RALGAPA2: variants seen among roughly 807,000 people sequenced by gnomAD.
The protein encoded by RALGAPA2 is Ral GTPase activating protein catalytic subunit alpha 2, also known as ral GTPase-activating protein subunit alpha-2.
RALGAPA2 carries 139 observed loss-of-function variants against 230.4 expected under a neutral mutation model. That is an observed-to-expected ratio of 0.60 (90% confidence interval 0.53 to 0.69). The LOEUF (loss-of-function observed/expected upper bound fraction) is 0.69. Among genes scored for constraint, RALGAPA2 ranks in the 30% least tolerant of loss-of-function variants. RALGAPA2 has a pLI of 0.00. For synonymous variants in RALGAPA2, 847 were observed against 837.8 expected (o/e 1.01, Z -0.19); for missense variants, 2,163 against 2,276.0 (o/e 0.95, Z 1.01).
intron 32 of RALGAPA2, among the ~76,000 whole-genome samples, chr20:20,512,240 T>TACACAC (rs370439645): frequency 2.4e-4 from 33 of 138,436 alleles, no homozygotes; most frequent in Admixed American, 5.7e-4. Context: ...CACACACACA[T>TACACAC]ACACACACAC....
Position 20,502,831 on chromosome 20 carries a change from CT to C in RALGAPA2, c.5208+519del, listed in dbSNP as rs2062416999. Among the ~76,000 whole-genome samples, 4 of 152,304 alleles carry C rather than the reference CT, an allele frequency of 2.6e-5. 1 individual carries two copies. In the South Asian group the frequency reaches 8.3e-4, roughly 32 times the overall value. ...GCCTCTTCTTTTAAGGCGCTCCTCA[CT>C]TTTAACACAGGGTTGCCTGAGGCAA... On this transcript the variant is annotated intron_variant, in intron 35 of 39. Coordinates refer to ENST00000202677, the MANE Select transcript of RALGAPA2 (RefSeq NM_020343.4).
At chr20:20,613,214 C>T (rs1438592358) in intron 13 of RALGAPA2, among the ~76,000 whole-genome samples, 1 of 152,190 alleles carries the variant, frequency 6.6e-6, no homozygotes, top group African/African-American at 2.4e-5. Context: ...GAAGCACTGA[C>T]TCCACCAAGG....
At chr20:20,511,980 G>A (rs1569454344) in intron 32 of RALGAPA2, among the ~76,000 whole-genome samples, 2 of 152,128 alleles carry the variant, frequency 1.3e-5, no homozygotes, top group Admixed American at 6.6e-5. Flanking sequence ...CATGAGGTCA[G>A]TAGTTTGAGA....
At chr20:20,637,739 A>G (rs555026037) in intron 7 of RALGAPA2, among the ~76,000 whole-genome samples, 2 of 152,356 alleles carry the variant, frequency 1.3e-5, no homozygotes, top group East Asian at 3.9e-4. Flanking sequence ...AAATTGCTCA[A>G]TGATATCGTA....
At chr20:20,570,936 T>C (rs966704796) in intron 23 of RALGAPA2, among the ~76,000 whole-genome samples, 17 of 152,242 alleles carry the variant, frequency 1.1e-4, no homozygotes, top group Non-Finnish European at 2.4e-4. Context: ...AGGTAGCTAG[T>C]GGCTCCTTGG....
chr20:20,644,205 A>G (rs750987373), intron 4 of RALGAPA2, among the ~76,000 whole-genome samples: 4 of 152,158 alleles, frequency 2.6e-5, no homozygotes, highest in Admixed American at 6.5e-5. Context: ...AGCCTCTAAA[A>G]CGGGATCTTA....
At chr20:20,436,950 G>A (rs900233712) in intron 37 of RALGAPA2, among the ~76,000 whole-genome samples, 2 of 152,148 alleles carry the variant, frequency 1.3e-5, no homozygotes, top group South Asian at 2.1e-4. Context: ...CAGCCGCACC[G>A]GGGAGACCAA....
At chr20:20,664,846 A>T (rs2067906552) in intron 3 of RALGAPA2, among the ~76,000 whole-genome samples, 1 of 152,190 alleles carries the variant, frequency 6.6e-6, no homozygotes, top group African/African-American at 2.4e-5. Context: ...AGCATTGTAC[A>T]CCTGCAGGTT....
intron 38 of RALGAPA2, among the ~76,000 whole-genome samples, chr20:20,399,438 G>A (rs1391439234): frequency 1.3e-5 from 2 of 151,712 alleles, no homozygotes; most frequent in Non-Finnish European, 2.9e-5. Flanking sequence ...GCTGGGAATC[G>A]AAGCCAGCCC....
At chr20:20,526,157 C>G in intron 28 of RALGAPA2, 95 bp downstream of exon 28, 1 of 977,566 alleles carries the variant, frequency 1.0e-6, no homozygotes, top group South Asian at 1.7e-5. Context: ...ATAGTTGGTT[C>G]TCTAACAATT....
intron 37 of RALGAPA2, among the ~76,000 whole-genome samples, chr20:20,429,815 A>T (rs1227975276): frequency 2.0e-5 from 3 of 152,234 alleles, no homozygotes; most frequent in Admixed American, 2.0e-4. Flanking sequence ...ATGAACTGTC[A>T]TTCTTTCATT....
chr20:20,593,867 A>G (rs1433494101), intron 16 of RALGAPA2, among the ~76,000 whole-genome samples: 1 of 152,226 alleles, frequency 6.6e-6, no homozygotes, highest in Non-Finnish European at 1.5e-5. Flanking sequence ...GGTCCTCAAC[A>G]CAGCAGACGG....
At chr20:20,616,260 G>T in intron 12 of RALGAPA2, 69 bp from the exon 13 acceptor site, 19 of 1,181,058 alleles carry the variant, frequency 1.6e-5, no homozygotes, top group Non-Finnish European at 1.9e-5. Flanking sequence ...TTTGCTTACA[G>T]ATATTAATTT....
chr20:20,668,567 T>C (rs2068033079), intron 3 of RALGAPA2, among the ~76,000 whole-genome samples: 1 of 152,208 alleles, frequency 6.6e-6, no homozygotes, highest in African/African-American at 2.4e-5. Context: ...GTTAGAGTTT[T>C]TACACTCTCA....
rs1347389753 is a variant in RALGAPA2 at position 20,448,532 on chromosome 20, T to C, written c.5495+24297A>G. Reference sequence around the variant, plus strand: ...AACACACTAATAATTAAACAGATAATGAAATTTAAAAAATATATTACTTGA... The same window carrying C: ...AACACACTAATAATTAAACAGATAACGAAATTTAAAAAATATATTACTTGA... On this transcript the variant is annotated intron_variant, in intron 37 of 39. Transcript: ENST00000202677. 2.6e-5 allele frequency among the ~76,000 whole-genome samples: 4 copies of C among 152,140 alleles called. No individual in the cohort carries two copies. In the East Asian group the frequency reaches 7.7e-4, roughly 29 times the overall value.
chr20:20,677,631 T>G (rs1418841937), intron 2 of RALGAPA2, among the ~76,000 whole-genome samples: 1 of 93,484 alleles, frequency 1.1e-5, no homozygotes, highest in Non-Finnish European at 2.0e-5. Flanking sequence ...TTTGACCCAT[T>G]TTTTTTTTTT....
chr20:20,512,185 C>T (rs2062724666), intron 32 of RALGAPA2, among the ~76,000 whole-genome samples: 1 of 151,086 alleles, frequency 6.6e-6, no homozygotes, highest in Non-Finnish European at 1.5e-5. Context: ...AAGACTCTGT[C>T]TCAAAAAACA....
chr20:20,647,823 G>A (rs2067267423), intron 4 of RALGAPA2, among the ~76,000 whole-genome samples: 1 of 152,082 alleles, frequency 6.6e-6, no homozygotes, highest in Non-Finnish European at 1.5e-5. Context: ...TAGTCAATGA[G>A]ATACCACTAT....
intron 38 of RALGAPA2, among the ~76,000 whole-genome samples, chr20:20,405,301 T>G (rs6075653): frequency 0.5 from 75,653 of 151,912 alleles, 20,428 homozygotes; most frequent in Non-Finnish European, 0.6. Context: ...GCCATTTTTT[T>G]TGTGTGTGGC....
Sources: gnomAD v4.1 joint callset for allele counts (sites outside exome capture counted in the v4.1 genomes callset) on GRCh38, gnomAD v4.1.1 for gene constraint, MANE v1.5 for transcripts, NCBI Gene and HGNC (gene_info 2026-07-23, HGNC 2026-07-21) for gene names.